Variants in TMEM232 observed in about 807,000 individuals in gnomAD.
TMEM232 encodes the protein transmembrane protein 232.
TMEM232 carries 80 observed loss-of-function variants against 78.8 expected under a neutral mutation model. The ratio of observed to expected loss-of-function variants is 1.01; its 90% CI spans 0.85 to 1.22. The LOEUF (loss-of-function observed/expected upper bound fraction) is 1.22, where lower values mean the gene tolerates loss of function less well. TMEM232 is among the 50% of genes most tolerant of loss of function. TMEM232 has a pLI of 0.00. For missense variants in TMEM232, 881 were observed against 742.2 expected, an observed-to-expected ratio of 1.19 and a Z score of -2.17; for synonymous variants, 297 against 254.3, an observed-to-expected ratio of 1.17 and a Z score of -1.60.
intron 12 of TMEM232, among the ~76,000 whole-genome samples, chr5:110,460,292 A>AGT (rs112235101): frequency 0.08 from 11,947 of 149,426 alleles, 529 homozygotes; most frequent in African/African-American, 0.11. Flanking sequence ...TGTATAAGTA[A>AGT]GTGTGTGTGT....
intron 12 of TMEM232, among the ~76,000 whole-genome samples, chr5:110,434,833 A>G (rs1440350090): frequency 2.0e-5 from 3 of 151,932 alleles, no homozygotes; most frequent in African/African-American, 4.8e-5. Context: ...TCACATAAAG[A>G]GAAATTTAAA....
In TMEM232 at chr5:110,536,979, TCTAA is replaced by T. The variant is rs201726711; in HGVS notation, c.1456-8148_1456-8145del. Among the ~76,000 whole-genome samples the T allele has an allele frequency of 3.1e-3, 478 of 152,212 alleles. 5 individuals are homozygous for T. The highest frequency in any genetic ancestry group is 0.011 in the African/African-American group (455 of 41,540). On this transcript the variant is annotated intron_variant, in intron 11 of 13. Transcript: ENST00000455884. Reference sequence around the variant, plus strand: ...CATTCCAAAGCAGTGCCAGCACCCATCTAACTAACGTCAGAGATGTCTGACAGAC... The same window carrying T: ...CATTCCAAAGCAGTGCCAGCACCCATCTAACGTCAGAGATGTCTGACAGAC...
At chr5:110,457,402 G>A (rs1029131576) in intron 12 of TMEM232, among the ~76,000 whole-genome samples, 1 of 152,070 alleles carries the variant, frequency 6.6e-6, no homozygotes, top group African/African-American at 2.4e-5. Context: ...ACTCTCTTAT[G>A]TTTATGATGG....
At chr5:110,641,493 A>T (rs1349719689) in intron 3 of TMEM232, among the ~76,000 whole-genome samples, 1 of 152,134 alleles carries the variant, frequency 6.6e-6, no homozygotes, top group Non-Finnish European at 1.5e-5. Context: ...GAACACTTGC[A>T]CAATTGGAGA....
intron 12 of TMEM232, among the ~76,000 whole-genome samples, chr5:110,523,469 T>G (rs1167029005): frequency 6.6e-6 from 1 of 152,126 alleles, no homozygotes; most frequent in African/African-American, 2.4e-5. Flanking sequence ...AGGTGTAAAT[T>G]TAGGTTGTTT....
chr5:110,454,923 A>AGAT (rs1760733500), intron 12 of TMEM232, among the ~76,000 whole-genome samples: 1 of 151,968 alleles, frequency 6.6e-6, no homozygotes, highest in Admixed American at 6.6e-5. Flanking sequence ...AAAAAAAAAA[A>AGAT]AGATAAACCT....
chr5:110,548,510 T>C (rs938390460), intron 11 of TMEM232, among the ~76,000 whole-genome samples: 2 of 151,562 alleles, frequency 1.3e-5, no homozygotes, highest in Non-Finnish European at 2.9e-5. Context: ...AGTAAAATAA[T>C]GTGTAACCAC....
intron 12 of TMEM232, among the ~76,000 whole-genome samples, chr5:110,463,085 G>A (rs1761712638): frequency 6.6e-6 from 1 of 152,180 alleles, no homozygotes; most frequent in South Asian, 2.1e-4. Context: ...GTTCTACCAT[G>A]GGTCAAATGC....
chr5:110,481,864 C>T (rs1763901616), intron 12 of TMEM232, among the ~76,000 whole-genome samples: 1 of 152,066 alleles, frequency 6.6e-6, no homozygotes, highest in Non-Finnish European at 1.5e-5. Context: ...TAAGGCTGTT[C>T]CCTGGGATTC....
chr5:110,487,908 T>A (rs893086008), intron 12 of TMEM232, among the ~76,000 whole-genome samples: 5 of 152,060 alleles, frequency 3.3e-5, no homozygotes, highest in Non-Finnish European at 7.4e-5. Flanking sequence ...TGGAATAGTG[T>A]CAAAAGGATT....
chr5:110,738,946 G>A (rs868425088), upstream of TMEM232: 2 of 1,432,180 alleles, frequency 1.4e-6, no homozygotes, highest in South Asian at 1.5e-5. Flanking sequence ...ATGGTTGCCG[G>A]AAGAGGCTAT....
chr5:110,613,355 A>G (rs1782546417), intron 8 of TMEM232, among the ~76,000 whole-genome samples: 1 of 152,166 alleles, frequency 6.6e-6, no homozygotes. Context: ...ATATGAGTAC[A>G]TTTCAATTTC....
intron 10 of TMEM232, among the ~76,000 whole-genome samples, chr5:110,576,947 G>A (rs1017031438): frequency 2.0e-5 from 3 of 151,956 alleles, no homozygotes; most frequent in Non-Finnish European, 4.4e-5. Context: ...AGACAACCTA[G>A]GCAATACTAT....
intron 1 of TMEM232, among the ~76,000 whole-genome samples, chr5:110,695,952 A>G: frequency 6.6e-6 from 1 of 152,226 alleles, no homozygotes; most frequent in South Asian, 2.1e-4. Context: ...AACTCATTTT[A>G]TGAGGCCAGC....
chr5:110,723,238 C>T (rs535325626), intron 1 of TMEM232, among the ~76,000 whole-genome samples: 1 of 152,134 alleles, frequency 6.6e-6, no homozygotes, highest in African/African-American at 2.4e-5. Flanking sequence ...TGAGTTTTGG[C>T]AGTGGTTATT....
chr5:110,670,508 C>A (rs1158347510), intron 1 of TMEM232, among the ~76,000 whole-genome samples: 1 of 152,130 alleles, frequency 6.6e-6, no homozygotes, highest in Non-Finnish European at 1.5e-5. Context: ...GAAGAACATT[C>A]CATGCTCATG....
chr5:110,536,396 G>C (rs1190905985), intron 11 of TMEM232, among the ~76,000 whole-genome samples: 1 of 152,236 alleles, frequency 6.6e-6, no homozygotes, highest in Non-Finnish European at 1.5e-5. Context: ...AGGAGTGAAT[G>C]AGGATAGCTG....
At chr5:110,396,609 G>A (rs890932119) in intron 3 of TMEM232, among the ~76,000 whole-genome samples, 1 of 152,092 alleles carries the variant, frequency 6.6e-6, no homozygotes, top group African/African-American at 2.4e-5. Context: ...GCACCTATCT[G>A]AGGAGCTCAC....
intron 10 of TMEM232, among the ~76,000 whole-genome samples, chr5:110,592,813 CT>C (rs1779687139): frequency 6.6e-6 from 1 of 152,140 alleles, no homozygotes; most frequent in Admixed American, 6.5e-5. Context: ...GATTGAAATG[CT>C]GATAGCATGT....
Sources: gnomAD v4.1 joint callset for allele counts (sites outside exome capture counted in the v4.1 genomes callset) on GRCh38, gnomAD v4.1.1 for gene constraint, MANE v1.5 for transcripts, NCBI Gene and HGNC (gene_info 2026-07-23, HGNC 2026-07-21) for gene names.